The following FLT3 variants were observed in gnomAD, a reference collection of about 807,000 sequenced individuals.
FLT3 encodes receptor-type tyrosine-protein kinase FLT3.
Under a neutral mutation model 126.6 loss-of-function variants are expected in FLT3, and 46 were observed. That is an observed-to-expected ratio of 0.36 (90% confidence interval 0.29 to 0.46). FLT3 has a LOEUF of 0.46. Among genes scored for constraint, FLT3 ranks in the 20% least tolerant of loss-of-function variants. FLT3 has a pLI of 1.00. For synonymous variants in FLT3, 404 were observed against 434.4 expected (o/e 0.93, Z 0.87); for missense variants, 1,069 against 1,190.3 (o/e 0.90, Z 1.50).
chr13:28,050,147 C>A lies in FLT3; in HGVS notation c.690G>T (p.Arg230Ser). 3 of 1,614,062 alleles carry A rather than the reference C, an allele frequency of 1.9e-6. No homozygotes were observed. The highest frequency in any genetic ancestry group is 2.5e-6 in the Non-Finnish European group (3 of 1,179,932). ...TGCCCAGTTCATTTCTGGCACAGCA[C>A]CTTATGTCCGTCCCAAATAATTCAT... Reference protein sequence around the residue: ...VLHELFGTDIRCCARNELGRE... With the variant: ...VLHELFGTDISCCARNELGRE... The change falls in exon 6 of 24, where the codon AGG becomes AGT. Residue 230 changes from arginine to serine, a missense_variant. Transcript: ENST00000241453.
At chr13:28,084,700 G>T (rs1878536625) in intron 1 of FLT3, among the ~76,000 whole-genome samples, 1 of 152,158 alleles carries the variant, frequency 6.6e-6, no homozygotes, top group African/African-American at 2.4e-5. Flanking sequence ...TTACAGCCGG[G>T]CGCAGTGGCT....
rs549158887 is a variant in FLT3, at chr13:28,027,252, TAC to T, written c.2054-13_2054-12del. ...TCAAGTAAATTGGTCCTGAAATAGT[TAC>T]AGTTTCAATTATAGGCATACACAAA... On this transcript the variant is annotated splice_polypyrimidine_tract_variant and intron_variant, in intron 16 of 23. Transcript: ENST00000241453. The T allele has an allele frequency of 1.4e-3, 2,297 of 1,604,250 alleles. 2 individuals are homozygous for T. Among genetic ancestry groups the T allele is most frequent in the Non-Finnish European group, 1.8e-3 (2,131 of 1,173,518 alleles).
chr13:28,084,845 G>A (rs1359730161), intron 1 of FLT3, among the ~76,000 whole-genome samples: 4 of 151,522 alleles, frequency 2.6e-5, no homozygotes, highest in African/African-American at 4.9e-5. Context: ...CGTGGTGGCG[G>A]GCGCCTGTAG....
chr13:28,021,104 C>T (rs534221910), intron 19 of FLT3, among the ~76,000 whole-genome samples: 32 of 152,196 alleles, frequency 2.1e-4, no homozygotes, highest in Middle Eastern at 3.4e-3. Context: ...TAAAGATGTT[C>T]GTGGGCCAGG....
At chr13:28,087,917 T>C (rs1230752799) in intron 1 of FLT3, among the ~76,000 whole-genome samples, 3 of 152,224 alleles carry the variant, frequency 2.0e-5, no homozygotes, top group Non-Finnish European at 4.4e-5. Flanking sequence ...TCAGAAAGAT[T>C]TGGAATATTG....
rs560052209 is a variant in FLT3, at chr13:28,057,379, T to C, written c.452A>G (p.Asn151Ser). The C allele has an allele frequency of 7.0e-5, 107 of 1,536,738 alleles. No individual in the cohort carries two copies. The highest frequency in any genetic ancestry group is 1.0e-4 in the Admixed American group (6 of 59,918). ...YLLFIQSEAT[N>S]YTILFTVSIR... ...ACTCACTGTAAACAATATTGTGTAA[T>C]TGGTAGCTTCACTCTGAATAAAAAG... The change falls in exon 4 of 24, where the codon AAT becomes AGT. Residue 151 changes from asparagine (N) to serine (S), a missense_variant. Physicochemically the swap from Asn to Ser is conservative, Grantham distance 46. Coordinates refer to ENST00000241453, the MANE Select transcript of FLT3 (RefSeq NM_004119.3).
At chr13:28,039,115 C>T (rs1187784873) in intron 9 of FLT3, among the ~76,000 whole-genome samples, 1 of 152,008 alleles carries the variant, frequency 6.6e-6, no homozygotes, top group Admixed American at 6.6e-5. Flanking sequence ...CGACTGAAGG[C>T]GCCAGACGGG....
intron 1 of FLT3, among the ~76,000 whole-genome samples, chr13:28,096,593 C>T (rs1962018): frequency 0.16 from 24,435 of 151,924 alleles, 2,060 homozygotes; most frequent in Middle Eastern, 0.25. Flanking sequence ...TCTGCCACCA[C>T]GCCTGGCTAA....
At chr13:28,075,451 A>C (rs1258228463) in intron 1 of FLT3, among the ~76,000 whole-genome samples, 2 of 152,138 alleles carry the variant, frequency 1.3e-5, no homozygotes, top group Non-Finnish European at 2.9e-5. Context: ...AAGGCCGGGC[A>C]TGGTGGCTCA....
At position 28,091,522 on chromosome 13, in the gene FLT3, C is replaced by T. The variant is rs561008299; in HGVS notation, c.43+8946G>A. Among the ~76,000 whole-genome samples the T allele has an allele frequency of 2.7e-4, 41 of 152,118 alleles. No individual in the cohort carries two copies. In the South Asian group the frequency reaches 4.6e-3, roughly 17 times the overall value. ...AGGCGTGAGCCACCGCGCCCGGCCC[C>T]CCATTTTCTTCCTGTGGTAAATGAG... On this transcript the variant is annotated intron_variant, in intron 1 of 23. Transcript: ENST00000241453.
At position 28,100,574 on chromosome 13, in the gene FLT3, C is replaced by G. The variant is rs2137844856; in HGVS notation, c.-64G>C. On this transcript the variant is annotated 5_prime_UTR_variant, in exon 1 of 24. Transcript: ENST00000241453. This position sits in a 1 kb window ranked among gnomAD's most constrained non-coding sequence, Gnocchi z 4.8. Reference sequence around the variant, plus strand: ...AGCCCTGCGATGCCGCCTGGAGCGGCGCGCCTCGCGCTGCAGGTGGCTCTC... The same window carrying G: ...AGCCCTGCGATGCCGCCTGGAGCGGGGCGCCTCGCGCTGCAGGTGGCTCTC... 9.3e-7 allele frequency: 1 copy of G among 1,075,260 alleles called. No individual in the cohort carries two copies. The allele number at this position is 1,075,260 out of a possible 1,614,324, so 66.6% of individuals were successfully genotyped here. A position where few individuals can be genotyped will look rare whatever the true frequency, so the allele number is the denominator to read the frequency against.
chr13:28,095,387 T>C (rs1208375656), intron 1 of FLT3, among the ~76,000 whole-genome samples: 2 of 152,018 alleles, frequency 1.3e-5, no homozygotes, highest in Non-Finnish European at 1.5e-5. Context: ...GTGATTCTCC[T>C]GCCTCAGCCT....
At chr13:28,064,396 G>A (rs1287922326) in intron 2 of FLT3, among the ~76,000 whole-genome samples, 2 of 151,928 alleles carry the variant, frequency 1.3e-5, no homozygotes, top group East Asian at 3.9e-4. Flanking sequence ...AAGATGGTGA[G>A]ACCCTGTCTG....
intron 1 of FLT3, among the ~76,000 whole-genome samples, chr13:28,088,836 G>A (rs960171771): frequency 2.0e-5 from 3 of 151,830 alleles, no homozygotes; most frequent in African/African-American, 7.2e-5. Flanking sequence ...CGCCTGCCTC[G>A]GCCTCCCAAA....
At chr13:28,017,146 C>T (rs1871936845) in intron 20 of FLT3, among the ~76,000 whole-genome samples, 2 of 152,066 alleles carry the variant, frequency 1.3e-5, no homozygotes, top group South Asian at 4.1e-4. Context: ...ATGCATAAAG[C>T]ACTTAGATGT....
chr13:28,052,659 G>A lies in FLT3; in HGVS notation c.500C>T (p.Thr167Ile), dbSNP rs2137741400. Residue 167 changes from threonine (T) to isoleucine (I), a missense_variant, in exon 5 of 24, where the codon ACA becomes ATA. By Grantham distance (89) the Thr-to-Ile change is moderately conservative. Transcript: ENST00000241453. The part of the protein sequence containing the change: ...TVSIRNTLLY[T>I]LRRPYFRKME... ...TTTTCTAAAGTAAGGTCTTCTTAAT[G>A]TGTAAAGCAGGGTATCTAAAGCATC... The A allele has an allele frequency of 1.2e-6, 2 of 1,605,590 alleles. No homozygotes were observed. The highest frequency in any genetic ancestry group is 8.5e-7 in the Non-Finnish European group (1 of 1,172,706).
At chr13:28,037,893 G>A (rs180794312) in intron 9 of FLT3, among the ~76,000 whole-genome samples, 21 of 152,244 alleles carry the variant, frequency 1.4e-4, no homozygotes, top group South Asian at 8.3e-4. Context: ...TAGGTTGTGC[G>A]TTCCTTAAGA....
Position 28,003,564 on chromosome 13 carries a change from A to G in FLT3, c.*488T>C. ...CAATTTCAGGGGGTTCGTGAACTCC[A>G]GTTAAGACTTGCCCTAATTATACCA... On this transcript the variant is annotated 3_prime_UTR_variant, in exon 24 of 24. Transcript: ENST00000241453. The G allele has an allele frequency of 4.2e-6, 1 of 239,418 alleles. No homozygotes were observed. The highest frequency in any genetic ancestry group is 8.3e-6 in the Non-Finnish European group (1 of 121,146). 14.8% of individuals were successfully genotyped at this position (239,418 alleles called of 1,614,324 possible). A position where few individuals can be genotyped will look rare whatever the true frequency, so the allele number is the denominator to read the frequency against.
rs369333276 is a variant in FLT3 at position 28,028,185 on chromosome 13, T to C, written c.2046A>G (p.Thr682=). The C allele has an allele frequency of 4.4e-6, 7 of 1,574,916 alleles. No individual in the cohort carries two copies. The highest frequency in any genetic ancestry group is 3.5e-6 in the Non-Finnish European group (4 of 1,144,422). ...ENIVNLLGAC[T]LSGPIYLIFE... ...TTCGTGGAAGTGGGTTACCTGACAG[T>C]GTGCACGCCCCCAGCAGGTTCACAA... Residue 682 remains threonine, a synonymous_variant, in exon 16 of 24, where the codon ACA becomes ACG. Transcript: ENST00000241453.
Sources: gnomAD v4.1 joint callset for allele counts (sites outside exome capture counted in the v4.1 genomes callset) on GRCh38, gnomAD v4.1.1 for gene constraint, Gnocchi (gnomAD v3.1) non-coding constraint, MANE v1.5 for transcripts, NCBI Gene and HGNC (gene_info 2026-07-23, HGNC 2026-07-21) for gene names.